The following PPFIA1 variants were observed in gnomAD, a reference collection of about 807,000 sequenced individuals.
The protein encoded by PPFIA1 is liprin-alpha-1.
PPFIA1 carries 25 observed loss-of-function variants against 149.9 expected under a neutral mutation model. The ratio of observed to expected loss-of-function variants is 0.17; its 90% confidence interval spans 0.12 to 0.23. The LOEUF is 0.23. Ranked by LOEUF, PPFIA1 falls within the 10% of genes least tolerant of loss-of-function variation. PPFIA1 has a pLI of 1.00. For missense variants in PPFIA1, 1,362 were observed against 1,506.5 expected (o/e 0.90, Z 1.59); for synonymous variants, 549 against 552.8 (o/e 0.99, Z 0.10).
chr11:70,279,905 A>ATTGTGTGTGTGTGTGTGTGTGTGTG lies in PPFIA1; in HGVS notation c.264+7470_264+7471insTGTGTGTGTGTGTGTGTGTGTGTGT, dbSNP rs368563994. Reference sequence around the variant, plus strand: ...TGTCCGGCCTGTGTGTGTGTGGGGGATGTGTGTGTGTGTATATTTTTGGGA... The same window carrying ATTGTGTGTGTGTGTGTGTGTGTGTG: ...TGTCCGGCCTGTGTGTGTGTGGGGGATTGTGTGTGTGTGTGTGTGTGTGTGTGTGTGTGTGTGTATATTTTTGGGA... On this transcript the variant is annotated intron_variant, in intron 2 of 27. Coordinates refer to ENST00000253925, the MANE Select transcript of PPFIA1 (RefSeq NM_003626.5). 3.5e-4 allele frequency among the ~76,000 whole-genome samples: 51 copies of ATTGTGTGTGTGTGTGTGTGTGTGTG among 144,970 alleles called. 2 individuals carry two copies. The highest frequency in any genetic ancestry group is 1.3e-3 in the African/African-American group (50 of 37,678).
intron 2 of PPFIA1, chr11:70,283,829 G>T: frequency 2.4e-6 from 1 of 423,486 alleles, no homozygotes; most frequent in Admixed American, 2.9e-5. Flanking sequence ...GTGTTGAGAG[G>T]TATTTGTGGT....
At chr11:70,366,683 A>T (rs1335878969) in intron 21 of PPFIA1, among the ~76,000 whole-genome samples, 1 of 152,158 alleles carries the variant, frequency 6.6e-6, no homozygotes, top group Non-Finnish European at 1.5e-5. Context: ...TCCCGAATGG[A>T]CTGTATTTGA....
intron 10 of PPFIA1, 35 bp from the exon 11 acceptor site, chr11:70,335,528 G>T (rs779265969): frequency 6.2e-7 from 1 of 1,606,962 alleles, no homozygotes; most frequent in Non-Finnish European, 8.5e-7. Context: ...GAGGATTTAC[G>T]TGAGGTTTAT....
intron 19 of PPFIA1, among the ~76,000 whole-genome samples, chr11:70,356,459 T>A (rs1293324302): frequency 6.6e-6 from 1 of 152,226 alleles, no homozygotes; most frequent in Non-Finnish European, 1.5e-5. Flanking sequence ...ATCCCTATCA[T>A]CTTGGAAAGC....
At chr11:70,280,480 A>G (rs2050688943) in intron 2 of PPFIA1, among the ~76,000 whole-genome samples, 2 of 151,964 alleles carry the variant, frequency 1.3e-5, no homozygotes, top group Admixed American at 1.3e-4. Flanking sequence ...GAGGCAGGAG[A>G]CTCACTTGAA....
intron 2 of PPFIA1, among the ~76,000 whole-genome samples, chr11:70,308,860 C>G (rs1249338655): frequency 6.6e-6 from 1 of 152,138 alleles, no homozygotes; most frequent in African/African-American, 2.4e-5. Flanking sequence ...GAGTTGGAGG[C>G]TGCAGTGAGC....
intron 15 of PPFIA1, among the ~76,000 whole-genome samples, chr11:70,346,546 G>C (rs998833620): frequency 6.6e-6 from 1 of 152,120 alleles, no homozygotes; most frequent in Non-Finnish European, 1.5e-5. Flanking sequence ...GAAAACTGGC[G>C]AAGAGACCTC....
intron 2 of PPFIA1, among the ~76,000 whole-genome samples, chr11:70,312,628 T>C (rs998818049): frequency 6.6e-6 from 1 of 152,246 alleles, no homozygotes; most frequent in Non-Finnish European, 1.5e-5. Context: ...ACTTCCCGTC[T>C]TGCCTGTGCC....
intron 2 of PPFIA1, among the ~76,000 whole-genome samples, chr11:70,297,232 G>A (rs2052123933): frequency 6.6e-6 from 1 of 151,948 alleles, no homozygotes; most frequent in Non-Finnish European, 1.5e-5. Context: ...AACATAGCAG[G>A]ACCCTACTTT....
chr11:70,369,218 A>G (rs901652236), intron 21 of PPFIA1, among the ~76,000 whole-genome samples: 2 of 152,162 alleles, frequency 1.3e-5, no homozygotes, highest in Non-Finnish European at 2.9e-5. Context: ...ATCTTGTCAA[A>G]TGCTTTTTCT....
chr11:70,382,024 T>G, intron 26 of PPFIA1, 64 bp from the exon 27 acceptor site: 2 of 1,424,922 alleles, frequency 1.4e-6, no homozygotes, highest in Non-Finnish European at 2.0e-6. Flanking sequence ...TGTGCCCTCA[T>G]GTGATGTTCT....
chr11:70,315,678 GTTTTTT>G (rs71049904), intron 2 of PPFIA1, among the ~76,000 whole-genome samples: 7 of 73,020 alleles, frequency 9.6e-5, no homozygotes, highest in African/African-American at 3.2e-4. Context: ...CTTTTTTTCT[GTTTTTT>G]TTTTTTTTTT....
intron 3 of PPFIA1, 80 bp downstream of exon 3, chr11:70,324,583 G>A (rs888989949): frequency 1.0e-5 from 12 of 1,201,440 alleles, no homozygotes; most frequent in Admixed American, 4.0e-5. Context: ...ACGAAAGGAC[G>A]ACCCACTCTG....
chr11:70,297,502 A>G lies in PPFIA1; in HGVS notation c.264+25066A>G, dbSNP rs539673756. 5.9e-5 allele frequency among the ~76,000 whole-genome samples: 9 copies of G among 152,362 alleles called. No individual in the cohort carries two copies. The South Asian group carries it at 1.9e-3, about 32-fold the overall frequency. On this transcript the variant is annotated intron_variant, in intron 2 of 27. Transcript: ENST00000253925. ...GTCTCTCCTTGTACTCAGTGTGTCC[A>G]CAGTGGGTGTATTGTCTGAAGGGTG...
At chr11:70,299,618 T>C (rs2052338180) in intron 2 of PPFIA1, among the ~76,000 whole-genome samples, 1 of 152,130 alleles carries the variant, frequency 6.6e-6, no homozygotes, top group African/African-American at 2.4e-5. Flanking sequence ...GACGTGTCCA[T>C]TGGGTGTCCT....
chr11:70,339,019 T>C, intron 13 of PPFIA1, 152 bp from the exon 14 acceptor site: 2 of 866,154 alleles, frequency 2.3e-6, no homozygotes, highest in East Asian at 5.3e-5. Context: ...GCAGGCAACA[T>C]GTAGCTCTTG....
intron 2 of PPFIA1, among the ~76,000 whole-genome samples, chr11:70,280,341 G>C (rs1413159286): frequency 6.6e-6 from 1 of 151,908 alleles, no homozygotes; most frequent in Non-Finnish European, 1.5e-5. Context: ...GGCCAAGGTG[G>C]GTGAATCACT....
chr11:70,373,686 G>C (rs895757677), intron 23 of PPFIA1: 1 of 152,148 alleles, frequency 6.6e-6, no homozygotes, highest in African/African-American at 2.4e-5. Context: ...AGTACTCAGG[G>C]GTTGCTTTCT....
intron 2 of PPFIA1, among the ~76,000 whole-genome samples, chr11:70,299,030 G>A (rs377609848): frequency 1.9e-4 from 29 of 152,166 alleles, no homozygotes; most frequent in African/African-American, 6.8e-4. Context: ...CTTGAGCTCA[G>A]GAGTTTGAGA....
Sources: gnomAD v4.1 joint callset for allele counts (sites outside exome capture counted in the v4.1 genomes callset) on GRCh38, gnomAD v4.1.1 for gene constraint, MANE v1.5 for transcripts, NCBI Gene and HGNC (gene_info 2026-07-23, HGNC 2026-07-21) for gene names.